The following HMCN1 variants were observed in gnomAD, a reference collection of about 807,000 sequenced individuals.
HMCN1 encodes hemicentin 1.
HMCN1 carries 321 observed loss-of-function variants against 625.9 expected under a neutral mutation model. The observed-to-expected ratio is 0.51, with a 90% CI of 0.47 to 0.56. The LOEUF (loss-of-function observed/expected upper bound fraction) is 0.56. Ranked by LOEUF, HMCN1 falls within the 20% of genes least tolerant of loss-of-function variation. The pLI, the probability that HMCN1 is intolerant of heterozygous loss-of-function variation, is 0.00. For synonymous variants in HMCN1, 2,425 were observed against 2,417.6 expected, an observed-to-expected ratio of 1.00 and a Z score of -0.09; for missense variants, 6,588 against 6,887.3, an observed-to-expected ratio of 0.96 and a Z score of 1.54.
chr1:185,905,910 A>G (rs1323673113), intron 4 of HMCN1, among the ~76,000 whole-genome samples: 3 of 151,854 alleles, frequency 2.0e-5, no homozygotes, highest in Admixed American at 6.6e-5. Flanking sequence ...GGCCCTTTGT[A>G]GATATAAACT....
intron 71 of HMCN1, 56 bp downstream of exon 71, chr1:186,108,653 A>T: frequency 6.2e-7 from 1 of 1,601,134 alleles, no homozygotes; most frequent in Non-Finnish European, 8.5e-7. Context: ...AAGTAAAAAA[A>T]TCAGCTCTAG....
chr1:186,042,188 A>G (rs1335882760), intron 40 of HMCN1, among the ~76,000 whole-genome samples: 2 of 152,174 alleles, frequency 1.3e-5, no homozygotes, highest in Admixed American at 6.6e-5. Flanking sequence ...ACGAGTTCAC[A>G]TTCAGCCTCC....
At chr1:186,062,041 C>A (rs763727273) in intron 47 of HMCN1, 77 bp downstream of exon 47, 15 of 859,088 alleles carry the variant, frequency 1.7e-5, no homozygotes, top group Non-Finnish European at 2.9e-5. Context: ...AATTTATTTA[C>A]CACTTGATCT....
intron 56 of HMCN1, among the ~76,000 whole-genome samples, chr1:186,082,553 T>C (rs1037951911): frequency 6.6e-6 from 1 of 152,100 alleles, no homozygotes; most frequent in African/African-American, 2.4e-5. Flanking sequence ...CAAATTCTAC[T>C]TCCTGATGGG....
rs1386429609 is a variant in HMCN1, at chr1:186,144,673, A to G, written c.14236A>G (p.Ser4746Gly). ...GAAATGCGAAGGGAGTGATGTCCAGAGTGATTTTTGCAACAGTGACCCTTG... is the reference window on the plus strand; with the variant it reads ...GAAATGCGAAGGGAGTGATGTCCAGGGTGATTTTTGCAACAGTGACCCTTG... ...GRKCEGSDVQ[S>G]DFCNSDPCPT... Residue 4746 changes from serine to glycine, a missense_variant, in exon 91 of 107, where the codon AGT (serine) becomes GGT (glycine). Ser to Gly is a moderately conservative substitution (Grantham distance 56, BLOSUM62 0). Coordinates refer to ENST00000271588, the MANE Select transcript of HMCN1 (RefSeq NM_031935.3). 11 of 1,614,002 alleles carry G rather than the reference A, an allele frequency of 6.8e-6. No homozygotes were observed. The highest frequency in any genetic ancestry group is 3.3e-5 in the Admixed American group (2 of 59,984).
intron 68 of HMCN1, among the ~76,000 whole-genome samples, chr1:186,096,368 C>G (rs1660139325): frequency 6.6e-6 from 1 of 152,232 alleles, no homozygotes; most frequent in Non-Finnish European, 1.5e-5. Context: ...CTTCTGCATT[C>G]CCAGTGCTTA....
In HMCN1 at chr1:186,151,757, GA is replaced by G; in HGVS notation, c.14896+16del. On this transcript the variant is annotated intron_variant, in intron 95 of 106. Coordinates refer to ENST00000271588, the MANE Select transcript of HMCN1 (RefSeq NM_031935.3). ...AATTTGCAACTGGTTAGTGTCAGCT[GA>G]ATTTAATATTCTATTACTATAAAAA... 1 of 1,611,960 alleles carries G rather than the reference GA, an allele frequency of 6.2e-7. No homozygotes were observed. The highest frequency in any genetic ancestry group is 8.5e-7 in the Non-Finnish European group (1 of 1,178,332).
chr1:186,111,138 G>A (rs12061681), intron 71 of HMCN1, among the ~76,000 whole-genome samples: 8,619 of 150,104 alleles, frequency 0.057, 852 homozygotes, highest in African/African-American at 0.2. Context: ...CCACCACCAG[G>A]CCCGGCTACT....
intron 48 of HMCN1, among the ~76,000 whole-genome samples, chr1:186,064,957 T>C (rs1658011346): frequency 6.6e-6 from 1 of 152,152 alleles, no homozygotes; most frequent in Admixed American, 6.5e-5. Context: ...AATTTAGTTA[T>C]TTAGTTAAAC....
At chr1:185,889,105 CTGTT>C (rs1201555873) in intron 4 of HMCN1, among the ~76,000 whole-genome samples, 1 of 141,580 alleles carries the variant, frequency 7.1e-6, no homozygotes, top group South Asian at 2.2e-4. Context: ...ATTTGGCTCT[CTGTT>C]TGTCTGTTGT....
intron 97 of HMCN1, among the ~76,000 whole-genome samples, chr1:186,164,620 G>A (rs574748018): frequency 2.6e-4 from 40 of 152,292 alleles, no homozygotes; most frequent in Middle Eastern, 3.4e-3. Context: ...TTGGTCACAC[G>A]TGGGGGATTT....
intron 97 of HMCN1, among the ~76,000 whole-genome samples, chr1:186,164,891 G>C (rs540982967): frequency 6.6e-6 from 1 of 152,298 alleles, no homozygotes; most frequent in African/African-American, 2.4e-5. Flanking sequence ...CACGAAACCT[G>C]TTTCCAGTGG....
chr1:186,132,676 T>C (rs1482051666), intron 86 of HMCN1, among the ~76,000 whole-genome samples: 1 of 151,830 alleles, frequency 6.6e-6, no homozygotes, highest in East Asian at 1.9e-4. Flanking sequence ...ACTTTAAGTT[T>C]TAGGGTACAT....
rs1558245751 is a variant in HMCN1, at chr1:186,130,116, CCATTTTT to C, written c.13039+17_13039+23del. ...TATGTGAAAGGTAGGGAAAAGCGCT[CCATTTTT>C]AATTTATAATGCATTCATAATGAAT... On this transcript the variant is annotated intron_variant, in intron 84 of 106. Transcript: ENST00000271588. The C allele has an allele frequency of 3.7e-6, 6 of 1,612,662 alleles. No homozygotes were observed. The highest frequency in any genetic ancestry group is 5.1e-6 in the Non-Finnish European group (6 of 1,179,088).
intron 11 of HMCN1, among the ~76,000 whole-genome samples, chr1:185,937,923 GTAATAA>G (rs1286188139): frequency 7.4e-6 from 1 of 135,484 alleles, no homozygotes; most frequent in Non-Finnish European, 1.6e-5. Flanking sequence ...AATAATAATA[GTAATAA>G]TAATAAGTGG....
intron 1 of HMCN1, among the ~76,000 whole-genome samples, chr1:185,795,246 T>C (rs1658287694): frequency 6.6e-6 from 1 of 152,234 alleles, no homozygotes; most frequent in African/African-American, 2.4e-5. Flanking sequence ...TTTGATTTAC[T>C]TGTAACTTTC....
intron 4 of HMCN1, among the ~76,000 whole-genome samples, chr1:185,890,208 T>G (rs1558043177): frequency 6.7e-6 from 1 of 149,178 alleles, no homozygotes; most frequent in East Asian, 1.9e-4. Flanking sequence ...TCTTTTTTTC[T>G]TTATTAGTCT....
chr1:186,091,200 G>A (rs1659824770), intron 64 of HMCN1, among the ~76,000 whole-genome samples: 1 of 151,900 alleles, frequency 6.6e-6, no homozygotes, highest in Non-Finnish European at 1.5e-5. Flanking sequence ...GTTAACTGTT[G>A]GTGATTTTAT....
chr1:185,791,630 G>A (rs1296384997), intron 1 of HMCN1, among the ~76,000 whole-genome samples: 2 of 152,002 alleles, frequency 1.3e-5, no homozygotes. Flanking sequence ...GTGGAGGCAG[G>A]AGAATCACTT....
Sources: gnomAD v4.1 joint callset for allele counts (sites outside exome capture counted in the v4.1 genomes callset) on GRCh38, gnomAD v4.1.1 for gene constraint, MANE v1.5 for transcripts, NCBI Gene and HGNC (gene_info 2026-07-23, HGNC 2026-07-21) for gene names.